The following MED21 variants were observed in gnomAD, a reference collection of about 807,000 sequenced individuals.
The protein encoded by MED21 is mediator of RNA polymerase II transcription subunit 21.
A neutral mutation model predicts 18.2 loss-of-function variants in MED21; 9 were observed. The ratio of observed to expected loss-of-function variants is 0.49; its 90% CI spans 0.30 to 0.86. The LOEUF (loss-of-function observed/expected upper bound fraction) is 0.86. MED21 is among the 40% of genes least tolerant of loss of function. The pLI, the probability that MED21 is intolerant of heterozygous loss-of-function variation, is 0.07. For missense variants in MED21, 150 were observed against 170.9 expected (o/e 0.88, Z 0.68); for synonymous variants, 73 against 60.5 (o/e 1.21, Z -0.96).
At chr12:27,035,749 C>T (rs1005331427), downstream of MED21, among the ~76,000 whole-genome samples, 1 of 151,758 alleles carries the variant, frequency 6.6e-6, no homozygotes, top group African/African-American at 2.4e-5. Context: ...TCATCCATGT[C>T]CCTACAAAGG....
In MED21 at chr12:27,027,374, T is replaced by C. The variant is rs754923436; in HGVS notation, c.185T>C (p.Ile62Thr). The C allele has an allele frequency of 6.2e-7, 1 of 1,613,804 alleles. No homozygotes were observed. The highest frequency in any genetic ancestry group is 1.1e-5 in the South Asian group (1 of 91,058). The change falls in exon 3 of 4, where the codon ATT becomes ACT. Residue 62 changes from isoleucine to threonine, a missense_variant. Physicochemically the swap from Ile to Thr is moderately conservative, Grantham distance 89. Transcript: ENST00000282892. Reference sequence around the variant, plus strand: ...TATGCCCAGCTTTTTGCAGCACTGATTGCACGAACAGCAAAAGACATTGAT... The same window carrying C: ...TATGCCCAGCTTTTTGCAGCACTGACTGCACGAACAGCAAAAGACATTGAT... Reference protein sequence around the residue: ...EEYAQLFAALIARTAKDIDVL... With the variant: ...EEYAQLFAALTARTAKDIDVL...
chr12:27,038,266 A>G (rs1389105800), intron 2 of MED21: 1 of 152,168 alleles, frequency 6.6e-6, no homozygotes, highest in East Asian at 1.9e-4. Context: ...TAAGAAAAAC[A>G]CGTTGTTTTT....
chr12:27,034,779 T>G (rs905656384), downstream of MED21, among the ~76,000 whole-genome samples: 4 of 152,136 alleles, frequency 2.6e-5, no homozygotes, highest in African/African-American at 9.7e-5. Context: ...AAACGGAGTT[T>G]CGCGCTTGTC....
chr12:27,027,519 CT>C, intron 3 of MED21, 72 bp downstream of exon 3: 1 of 1,085,218 alleles, frequency 9.2e-7, no homozygotes, highest in South Asian at 1.3e-5. Context: ...GATTTAGTAC[CT>C]TTTGTCTGTG....
At chr12:27,033,140 C>T (rs892419794), downstream of MED21, among the ~76,000 whole-genome samples, 28 of 152,202 alleles carry the variant, frequency 1.8e-4, no homozygotes, top group African/African-American at 6.8e-4. Context: ...AATAGTTCCT[C>T]TCTCCCTGTT....
downstream of MED21, among the ~76,000 whole-genome samples, chr12:27,031,079 G>A (rs1175720738): frequency 5.3e-5 from 8 of 151,976 alleles, no homozygotes; most frequent in Admixed American, 4.6e-4. Context: ...GGCTAATTTT[G>A]TATTTTTAGT....
At chr12:27,035,439 C>CT (rs1309406496), downstream of MED21, among the ~76,000 whole-genome samples, 75 of 139,420 alleles carry the variant, frequency 5.4e-4, no homozygotes, top group Admixed American at 1.7e-3. Flanking sequence ...TTTGTTATTT[C>CT]TTTTTTTTTT....
intron 3 of MED21, 80 bp from the exon 4 acceptor site, chr12:27,028,205 A>C (rs778635734): frequency 1.3e-5 from 19 of 1,440,192 alleles, no homozygotes; most frequent in Non-Finnish European, 1.7e-5. Flanking sequence ...TTGCAAAGTC[A>C]TCCAGATTTA....
chr12:27,034,773 G>C (rs913421665), downstream of MED21, among the ~76,000 whole-genome samples: 5 of 152,068 alleles, frequency 3.3e-5, no homozygotes, highest in African/African-American at 1.2e-4. Flanking sequence ...TTTTGGAAAC[G>C]GAGTTTCGCG....
At chr12:27,023,390 C>T (rs1941502347) in intron 1 of MED21, among the ~76,000 whole-genome samples, 1 of 143,016 alleles carries the variant, frequency 7.0e-6, no homozygotes, top group Non-Finnish European at 1.6e-5. Context: ...TCCTCCGCCT[C>T]CCGGGTTCAA....
chr12:27,037,982 T>C (rs1023616068), intron 2 of MED21: 1 of 152,174 alleles, frequency 6.6e-6, no homozygotes, highest in Non-Finnish European at 1.5e-5. Context: ...AAAGGGTATG[T>C]ACAAAACTGT....
In MED21 at chr12:27,027,389, A is replaced by C. The variant is rs777459020; in HGVS notation, c.200A>C (p.Lys67Thr). The change falls in exon 3 of 4, where the codon AAA becomes ACA. Residue 67 changes from lysine (K) to threonine (T), a missense_variant. Transcript: ENST00000282892. The stretch of plus-strand genomic sequence containing the variant: ...GCAGCACTGATTGCACGAACAGCAA[A>C]AGACATTGATGTTTTGATAGATTCC... Reference protein sequence around the residue: ...LFAALIARTAKDIDVLIDSLP... With the variant: ...LFAALIARTATDIDVLIDSLP... The C allele has an allele frequency of 2.2e-5, 36 of 1,613,774 alleles. No homozygotes were observed. Among genetic ancestry groups the C allele is most frequent in the Middle Eastern group, 1.7e-4 (1 of 6,012 alleles).
At chr12:27,024,243 AG>A (rs1941514767) in intron 1 of MED21, among the ~76,000 whole-genome samples, 1 of 152,218 alleles carries the variant, frequency 6.6e-6, no homozygotes, top group Non-Finnish European at 1.5e-5. Context: ...ATAAGGGGCT[AG>A]AGAGAAAACA....
Position 27,028,514 on chromosome 12 carries a change from A to G in MED21, c.*53A>G. On this transcript the variant is annotated 3_prime_UTR_variant, in exon 4 of 4. Coordinates refer to ENST00000282892, the MANE Select transcript of MED21 (RefSeq NM_004264.5). Reference sequence around the variant, plus strand: ...AAGAACTGTTTGAGTGCCATTAAGAATTCTGCATCAGACTTAGATACAAGC... The same window carrying G: ...AAGAACTGTTTGAGTGCCATTAAGAGTTCTGCATCAGACTTAGATACAAGC... 1 of 1,569,536 alleles carries G rather than the reference A, an allele frequency of 6.4e-7. No individual in the cohort carries two copies. The highest frequency in any genetic ancestry group is 2.2e-5 in the East Asian group (1 of 44,484).
At chr12:27,024,595 A>G (rs1237613177) in intron 1 of MED21, among the ~76,000 whole-genome samples, 1 of 152,234 alleles carries the variant, frequency 6.6e-6, no homozygotes, top group Non-Finnish European at 1.5e-5. Context: ...AAAATTTTGC[A>G]TATTCATACA....
At position 27,028,393 on chromosome 12, in the gene MED21, G is replaced by C; in HGVS notation, c.367G>C (p.Ala123Pro). ...TCTGGAGAAGATACAAAGCGCACTT[G>C]CTGATATTGCACAGTCACAGCTGAA... ...MLLEKIQSAL[A>P]DIAQSQLKTR... Residue 123 changes from alanine to proline, a missense_variant, in exon 4 of 4, where the codon GCT becomes CCT. By Grantham distance (27) the Ala-to-Pro change is conservative. Transcript: ENST00000282892. 1 of 1,614,126 alleles carries C rather than the reference G, an allele frequency of 6.2e-7. No homozygotes were observed. Among genetic ancestry groups the C allele is most frequent in the Non-Finnish European group, 8.5e-7 (1 of 1,179,992 alleles).
chr12:27,022,683 A>G, intron 1 of MED21, 62 bp downstream of exon 1: 1 of 1,611,868 alleles, frequency 6.2e-7, no homozygotes, highest in East Asian at 2.2e-5. Context: ...CAAGGGAGGA[A>G]AGGGGCCCAA....
chr12:27,030,422 C>T lies in MED21; in HGVS notation c.*1961C>T, dbSNP rs1941605662. On this transcript the variant is annotated 3_prime_UTR_variant, in exon 4 of 4. Transcript: ENST00000282892. ...AAGAAATTAAGTATTTGTATCATCC[C>T]TAGAGCGACACAGATTTTTCCCTAA... The T allele has an allele frequency of 2.6e-6, 1 of 384,920 alleles. No homozygotes were observed. Among genetic ancestry groups the T allele is most frequent in the Non-Finnish European group, 4.6e-6 (1 of 218,646 alleles). The allele number at this position is 384,920 out of a possible 1,614,324, so 23.8% of individuals were successfully genotyped here. A position where few individuals can be genotyped will look rare whatever the true frequency, so the allele number is the denominator to read the frequency against.
Position 27,029,933 on chromosome 12 carries a change from G to T in MED21, c.*1472G>T. ...TATCACTAGTAAACCTGCTCTAAAA[G>T]AATTCAAGGGAAGCTTTTTAAAAAG... On this transcript the variant is annotated 3_prime_UTR_variant, in exon 4 of 4. Transcript: ENST00000282892. The T allele has an allele frequency of 2.4e-6, 1 of 418,974 alleles. No individual in the cohort carries two copies. Among genetic ancestry groups the T allele is most frequent in the Non-Finnish European group, 3.2e-6 (1 of 312,374 alleles). The allele number at this position is 418,974 out of a possible 1,614,324, so 26.0% of individuals were successfully genotyped here. A position where few individuals can be genotyped will look rare whatever the true frequency, so the allele number is the denominator to read the frequency against.
Sources: allele counts gnomAD v4.1 joint callset (sites outside exome capture counted in the v4.1 genomes callset), GRCh38; gene constraint gnomAD v4.1.1; transcripts MANE v1.5; gene names NCBI Gene and HGNC (gene_info 2026-07-23, HGNC 2026-07-21).